The following RPS6KA2 variants were observed in gnomAD, a reference collection of about 807,000 sequenced individuals.
RPS6KA2 encodes ribosomal protein S6 kinase alpha-2.
A neutral mutation model predicts 91.8 loss-of-function variants in RPS6KA2; 42 were observed. That is an observed-to-expected ratio of 0.46 (90% CI 0.36 to 0.59). RPS6KA2 has a LOEUF of 0.59. RPS6KA2 is among the 20% of genes least tolerant of loss of function. The pLI is 0.00. For missense variants in RPS6KA2, 798 were observed against 978.5 expected, an observed-to-expected ratio of 0.82 and a Z score of 2.46; for synonymous variants, 414 against 393.6, an observed-to-expected ratio of 1.05 and a Z score of -0.61.
At chr6:166,568,623 A>AAG (rs1784580267) in intron 1 of RPS6KA2, among the ~76,000 whole-genome samples, 1 of 19,102 alleles carries the variant, frequency 5.2e-5, no homozygotes, top group Non-Finnish European at 8.8e-5. Context: ...CCATCTCAGA[A>AAG]AAAAAAAAAA....
At chr6:166,552,129 T>C (rs1173514696) in intron 1 of RPS6KA2, among the ~76,000 whole-genome samples, 1 of 152,208 alleles carries the variant, frequency 6.6e-6, no homozygotes, top group Admixed American at 6.5e-5. Flanking sequence ...CCTGACCCCA[T>C]GAACACTTAC....
intron 2 of RPS6KA2, among the ~76,000 whole-genome samples, chr6:166,734,003 C>A (rs968234893): frequency 5.3e-5 from 8 of 152,126 alleles, no homozygotes; most frequent in Non-Finnish European, 1.2e-4. Context: ...AAGGTGCATG[C>A]AAGCGAAGGG....
rs1004711348 is a variant in RPS6KA2, at chr6:166,767,136, G to A, written c.123+91064C>T. Among the ~76,000 whole-genome samples, 1 of 152,274 alleles carries A rather than the reference G, an allele frequency of 6.6e-6. No homozygotes were observed. Among genetic ancestry groups the A allele is most frequent in the Non-Finnish European group, 1.5e-5 (1 of 68,032 alleles). On this transcript the variant is annotated intron_variant, in intron 2 of 21. Transcript: ENST00000503859. The surrounding 1 kb of genome is among the most constrained non-coding windows in gnomAD (Gnocchi z 4.6). The stretch of plus-strand genomic sequence containing the variant: ...TGTGGGAAAAGCCAGCTCCACCATG[G>A]AATTTTTGTCTCTGAAAACAGACTG...
At chr6:166,747,236 G>T (rs1439759928) in intron 2 of RPS6KA2, among the ~76,000 whole-genome samples, 1 of 152,132 alleles carries the variant, frequency 6.6e-6, no homozygotes, top group Non-Finnish European at 1.5e-5. Flanking sequence ...CCATCCTGAA[G>T]CTACTCAGGG....
At chr6:166,730,926 T>A (rs545813038) in intron 2 of RPS6KA2, among the ~76,000 whole-genome samples, 1 of 152,202 alleles carries the variant, frequency 6.6e-6, no homozygotes, top group East Asian at 1.9e-4. Context: ...TAGAAAAAAA[T>A]CTCAGATCAT....
rs1002633989 is a variant in RPS6KA2, at chr6:166,437,077, A to G, written c.1333-4587T>C. The stretch of plus-strand genomic sequence containing the variant: ...TTTATTTTTGCATGGAGGGTGAGCT[A>G]TTTGAGCAAGGTAAGGCTGGAGAGT... On this transcript the variant is annotated intron_variant, in intron 14 of 20. Coordinates refer to ENST00000265678, the MANE Select transcript of RPS6KA2 (RefSeq NM_021135.6). This position sits in a 1 kb window ranked among gnomAD's most constrained non-coding sequence, Gnocchi z 4.3. Among the ~76,000 whole-genome samples, 2 of 151,458 alleles carry G rather than the reference A, an allele frequency of 1.3e-5. No individual in the cohort carries two copies. Among genetic ancestry groups the G allele is most frequent in the African/African-American group, 2.4e-5 (1 of 41,106 alleles).
chr6:166,764,303 C>T (rs558606996), intron 2 of RPS6KA2, among the ~76,000 whole-genome samples: 17 of 152,124 alleles, frequency 1.1e-4, no homozygotes, highest in Non-Finnish European at 1.9e-4. Context: ...CCAGGGGGCG[C>T]GTGAAAAGGA....
intron 2 of RPS6KA2, among the ~76,000 whole-genome samples, chr6:166,720,809 C>A (rs902485448): frequency 6.6e-6 from 1 of 152,110 alleles, no homozygotes; most frequent in African/African-American, 2.4e-5. Flanking sequence ...TCCGGCACAG[C>A]GAGTTTGATT....
chr6:166,861,986 C>T lies in RPS6KA2; in HGVS notation c.63+122G>A, dbSNP rs555925393. ...ACATCCACACACACTGGATAGCCAA[C>T]TCTCTGACCCATCATAGTCACCTAA... On this transcript the variant is annotated intron_variant, in intron 1 of 21. Transcript: ENST00000503859. The T allele has an allele frequency of 1.5e-5, 19 of 1,289,722 alleles. No individual in the cohort carries two copies. The South Asian group carries it at 2.2e-4, about 15-fold the overall frequency. 79.9% of individuals were successfully genotyped at this position (1,289,722 alleles called of 1,614,324 possible).
intron 2 of RPS6KA2, among the ~76,000 whole-genome samples, chr6:166,853,804 T>C (rs1231791954): frequency 2.0e-5 from 3 of 152,234 alleles, no homozygotes; most frequent in East Asian, 1.9e-4. Flanking sequence ...GCTTGTTTCC[T>C]GCACGGAGCT....
chr6:166,701,329 A>AAT (rs1789512945), intron 2 of RPS6KA2: 1 of 1,575,906 alleles, frequency 6.3e-7, no homozygotes, highest in South Asian at 1.1e-5. Context: ...TTTTCCAGTA[A>AAT]CTGCCAGCAG....
intron 2 of RPS6KA2, among the ~76,000 whole-genome samples, chr6:166,796,180 C>T (rs539881842): frequency 1.3e-5 from 2 of 152,132 alleles, no homozygotes; most frequent in African/African-American, 2.4e-5. Context: ...AGTAAGCCTA[C>T]GATAAATCCC....
intron 1 of RPS6KA2, among the ~76,000 whole-genome samples, chr6:166,565,873 C>T (rs1386441743): frequency 6.6e-6 from 1 of 152,242 alleles, no homozygotes; most frequent in African/African-American, 2.4e-5. Context: ...TCAGGAGACA[C>T]TACGCCTAGG....
At chr6:166,754,941 C>T (rs1010440527) in intron 2 of RPS6KA2, among the ~76,000 whole-genome samples, 1 of 152,168 alleles carries the variant, frequency 6.6e-6, no homozygotes, top group African/African-American at 2.4e-5. Context: ...TCTCAACTCT[C>T]GGCCTCAGCC....
At chr6:166,831,684 T>A (rs1780185528) in intron 2 of RPS6KA2, among the ~76,000 whole-genome samples, 1 of 149,828 alleles carries the variant, frequency 6.7e-6, no homozygotes, top group African/African-American at 2.5e-5. Flanking sequence ...ATTCCAAAAC[T>A]GAGAATAAAA....
chr6:166,846,801 A>G (rs1361476419), intron 2 of RPS6KA2, among the ~76,000 whole-genome samples: 1 of 152,206 alleles, frequency 6.6e-6, no homozygotes, highest in Non-Finnish European at 1.5e-5. Context: ...AACTGGAACA[A>G]GACAAGGATG....
intron 8 of RPS6KA2, among the ~76,000 whole-genome samples, chr6:166,491,831 T>C (rs1227206227): frequency 6.8e-6 from 1 of 146,678 alleles, no homozygotes; most frequent in East Asian, 1.9e-4. Context: ...TTCAAGCTGT[T>C]TTTTATTTTG....
chr6:166,680,378 G>A (rs1019477161), intron 2 of RPS6KA2, among the ~76,000 whole-genome samples: 1 of 152,218 alleles, frequency 6.6e-6, no homozygotes, highest in Non-Finnish European at 1.5e-5. Context: ...CAATCAGCAG[G>A]ATGTGGGTGG....
intron 3 of RPS6KA2, among the ~76,000 whole-genome samples, chr6:166,518,648 C>T (rs753096154): frequency 4.6e-5 from 7 of 152,192 alleles, no homozygotes; most frequent in East Asian, 1.9e-4. Context: ...TGTGGCCTAA[C>T]ACAAGTATAT....
Sources: gnomAD v4.1 joint callset for allele counts (sites outside exome capture counted in the v4.1 genomes callset) on GRCh38, gnomAD v4.1.1 for gene constraint, Gnocchi (gnomAD v3.1) non-coding constraint, MANE v1.5 for transcripts, NCBI Gene and HGNC (gene_info 2026-07-23, HGNC 2026-07-21) for gene names.